GOLM2: variants seen among roughly 807,000 people sequenced by gnomAD.
The protein encoded by GOLM2 is protein GOLM2.
GOLM2 carries 26 observed loss-of-function variants against 55.9 expected under a neutral mutation model. That is an observed-to-expected ratio of 0.47 (90% CI 0.34 to 0.65). The LOEUF (loss-of-function observed/expected upper bound fraction) is 0.65, where lower values mean the gene tolerates loss of function less well. Among genes scored for constraint, GOLM2 ranks in the 30% least tolerant of loss-of-function variants. The pLI is 0.01. For missense variants in GOLM2, 486 were observed against 531.8 expected, an observed-to-expected ratio of 0.91 and a Z score of 0.85; for synonymous variants, 165 against 194.6, an observed-to-expected ratio of 0.85 and a Z score of 1.27.
intron 4 of GOLM2, among the ~76,000 whole-genome samples, chr15:44,332,871 T>A (rs1283068276): frequency 6.6e-6 from 1 of 152,208 alleles, no homozygotes; most frequent in Non-Finnish European, 1.5e-5. Context: ...TAATATGTAT[T>A]ATGAAGATTC....
intron 2 of GOLM2, 120 bp from the exon 3 acceptor site, chr15:44,328,565 G>A (rs2079000007): frequency 1.7e-6 from 1 of 575,448 alleles, no homozygotes; most frequent in Admixed American, 3.4e-5. Flanking sequence ...TTAATTTCCT[G>A]GGAGTATTAC....
chr15:44,316,970 AGGGAC>A (rs767179423), intron 1 of GOLM2, among the ~76,000 whole-genome samples: 48 of 151,960 alleles, frequency 3.2e-4, no homozygotes, highest in Middle Eastern at 6.8e-3. Context: ...TGGGTGACAG[AGGGAC>A]CCAGGCTGAA....
intron 8 of GOLM2, among the ~76,000 whole-genome samples, chr15:44,387,039 G>A (rs775389066): frequency 6.6e-6 from 1 of 151,956 alleles, no homozygotes; most frequent in Non-Finnish European, 1.5e-5. Context: ...CCCACATATG[G>A]TGGCATGCAC....
intron 6 of GOLM2, among the ~76,000 whole-genome samples, chr15:44,347,749 C>A (rs769438703): frequency 9.9e-5 from 15 of 152,162 alleles, no homozygotes; most frequent in Non-Finnish European, 1.9e-4. Flanking sequence ...GCTTGTGTCA[C>A]CCCTTCCACA....
chr15:44,375,547 C>G (rs2079358942), intron 6 of GOLM2, among the ~76,000 whole-genome samples: 1 of 151,356 alleles, frequency 6.6e-6, no homozygotes, highest in African/African-American at 2.4e-5. Flanking sequence ...GAGGCCAGGA[C>G]AGGAAGATGG....
At chr15:44,327,787 A>G (rs891708662) in intron 2 of GOLM2, among the ~76,000 whole-genome samples, 1 of 152,226 alleles carries the variant, frequency 6.6e-6, no homozygotes, top group Non-Finnish European at 1.5e-5. Flanking sequence ...AAACATTTAC[A>G]AACAAGTGTT....
intron 8 of GOLM2, 103 bp downstream of exon 8, chr15:44,381,079 A>G (rs1024917150): frequency 1.5e-6 from 1 of 649,354 alleles, no homozygotes; most frequent in Non-Finnish European, 2.3e-6. Flanking sequence ...TAGTGAAGTT[A>G]TATATATTTA....
At chr15:44,385,739 G>C (rs1293922858) in intron 8 of GOLM2, among the ~76,000 whole-genome samples, 2 of 151,986 alleles carry the variant, frequency 1.3e-5, no homozygotes, top group Non-Finnish European at 2.9e-5. Flanking sequence ...TTTAGCTTTT[G>C]TGGAGATGGG....
At chr15:44,356,613 T>G (rs1026105726) in intron 6 of GOLM2, among the ~76,000 whole-genome samples, 11 of 152,172 alleles carry the variant, frequency 7.2e-5, no homozygotes, top group Admixed American at 3.9e-4. Context: ...ACAGATGGGT[T>G]TGCCGGTGAA....
intron 8 of GOLM2, 124 bp downstream of exon 8, chr15:44,381,100 A>T (rs2079399169): frequency 1.8e-6 from 1 of 549,658 alleles, no homozygotes; most frequent in Non-Finnish European, 2.8e-6. Flanking sequence ...AAGAGAAGGT[A>T]TGAAAGTGTC....
At chr15:44,346,568 C>G (rs1423856876) in intron 6 of GOLM2, among the ~76,000 whole-genome samples, 6 of 152,198 alleles carry the variant, frequency 3.9e-5, no homozygotes, top group Admixed American at 3.9e-4. Flanking sequence ...CTTAGTCAAA[C>G]TAGCTACACT....
At chr15:44,327,250 C>G (rs540250467) in intron 2 of GOLM2, among the ~76,000 whole-genome samples, 18 of 151,846 alleles carry the variant, frequency 1.2e-4, no homozygotes, top group Admixed American at 2.6e-4. Context: ...CACGCCCAGC[C>G]CCAACATCTG....
At position 44,302,519 on chromosome 15, in the gene GOLM2, C is replaced by G. The variant is rs1346674144; in HGVS notation, c.327+13163C>G. ...TTTCCTATTTTTTTTGAGATGGGGTCTCACTCTGTTGCCCAGGCTATAGTG... is the reference window on the plus strand; with the variant it reads ...TTTCCTATTTTTTTTGAGATGGGGTGTCACTCTGTTGCCCAGGCTATAGTG... On this transcript the variant is annotated intron_variant, in intron 1 of 9. Coordinates refer to ENST00000299957, the MANE Select transcript of GOLM2 (RefSeq NM_138423.4). 9.2e-5 allele frequency among the ~76,000 whole-genome samples: 14 copies of G among 151,386 alleles called. 1 individual carries two copies. The highest frequency in any genetic ancestry group is 7.9e-4 in the Admixed American group (12 of 15,146).
At chr15:44,401,248 A>T (rs1204626109) in intron 8 of GOLM2, among the ~76,000 whole-genome samples, 2 of 151,698 alleles carry the variant, frequency 1.3e-5, no homozygotes, top group South Asian at 2.1e-4. Context: ...AGTAGATGAG[A>T]CTACAGACCC....
At chr15:44,347,637 T>C (rs1354975386) in intron 6 of GOLM2, among the ~76,000 whole-genome samples, 1 of 152,162 alleles carries the variant, frequency 6.6e-6, no homozygotes, top group Non-Finnish European at 1.5e-5. Flanking sequence ...CTAGAAGGAC[T>C]GCAACCCCCA....
intron 8 of GOLM2, among the ~76,000 whole-genome samples, chr15:44,392,699 C>A (rs2079499633): frequency 6.6e-6 from 1 of 151,554 alleles, no homozygotes; most frequent in African/African-American, 2.4e-5. Flanking sequence ...TACATGATGA[C>A]CATGTTGGAT....
At chr15:44,366,538 G>C (rs2079286691) in intron 6 of GOLM2, among the ~76,000 whole-genome samples, 1 of 152,178 alleles carries the variant, frequency 6.6e-6, no homozygotes, top group Admixed American at 6.5e-5. Flanking sequence ...GGAGGCTGAA[G>C]TGGGAGGATC....
At chr15:44,409,118 AC>A (rs2141219877) in intron 9 of GOLM2, among the ~76,000 whole-genome samples, 1 of 151,582 alleles carries the variant, frequency 6.6e-6, no homozygotes, top group South Asian at 2.1e-4. Context: ...TCTACTCTCT[AC>A]TAAAAATACA....
At position 44,328,672 on chromosome 15, in the gene GOLM2, C is replaced by G. The variant is rs371330594; in HGVS notation, c.383-13C>G. ...TGAACTTGATTCCTTTGGTTCTTACCTTGGGTGGATAGAGCAACTTGCTGA... is the reference window on the plus strand; with the variant it reads ...TGAACTTGATTCCTTTGGTTCTTACGTTGGGTGGATAGAGCAACTTGCTGA... On this transcript the variant is annotated splice_polypyrimidine_tract_variant and intron_variant, in intron 2 of 9. Transcript: ENST00000299957. 11 of 1,598,914 alleles carry G rather than the reference C, an allele frequency of 6.9e-6. No individual in the cohort carries two copies. In the African/African-American group the frequency reaches 1.5e-4, roughly 22 times the overall value.
Sources: gnomAD v4.1 joint callset for allele counts (sites outside exome capture counted in the v4.1 genomes callset) on GRCh38, gnomAD v4.1.1 for gene constraint, MANE v1.5 for transcripts, NCBI Gene and HGNC (gene_info 2026-07-23, HGNC 2026-07-21) for gene names.